DENND1B: variants seen among roughly 807,000 people sequenced by gnomAD.
The protein encoded by DENND1B is DENN domain containing 1B, also known as DENN domain-containing protein 1B.
In DENND1B, 59 loss-of-function variants were observed where a neutral mutation model predicts 90.1. The observed-to-expected ratio is 0.65, with a 90% CI of 0.53 to 0.81. The LOEUF (loss-of-function observed/expected upper bound fraction) is 0.81. Among genes scored for constraint, DENND1B ranks in the 40% least tolerant of loss-of-function variants. DENND1B has a pLI of 0.00. For missense variants in DENND1B, 862 were observed against 912.6 expected (o/e 0.94, Z 0.71); for synonymous variants, 337 against 324.6 (o/e 1.04, Z -0.41).
intron 20 of DENND1B, among the ~76,000 whole-genome samples, chr1:197,523,229 G>C (rs1668900035): frequency 6.6e-6 from 1 of 151,980 alleles, no homozygotes; most frequent in African/African-American, 2.4e-5. Context: ...AAGACTGCTG[G>C]GGGAAATGTA....
At chr1:197,679,957 C>G (rs1254598961) in intron 3 of DENND1B, among the ~76,000 whole-genome samples, 5 of 151,464 alleles carry the variant, frequency 3.3e-5, no homozygotes, top group African/African-American at 1.2e-4. Context: ...CGAGACCAGC[C>G]TGGGCAACAT....
At chr1:197,564,376 A>G (rs1226427446) in intron 15 of DENND1B, among the ~76,000 whole-genome samples, 1 of 125,354 alleles carries the variant, frequency 8.0e-6, no homozygotes, top group Non-Finnish European at 1.6e-5. Context: ...ATCAATACTG[A>G]GGCAAGAACC....
At chr1:197,731,331 C>T (rs947977210) in intron 2 of DENND1B, among the ~76,000 whole-genome samples, 8 of 151,932 alleles carry the variant, frequency 5.3e-5, no homozygotes, top group African/African-American at 1.5e-4. Context: ...TGACCTCAGA[C>T]CAAAAATATG....
chr1:197,606,268 A>G (rs75380909), intron 13 of DENND1B: 1 of 151,338 alleles, frequency 6.6e-6, no homozygotes, highest in East Asian at 2.0e-4. Flanking sequence ...ACACACGCAC[A>G]CACACACACA....
intron 18 of DENND1B, among the ~76,000 whole-genome samples, chr1:197,545,104 GT>G (rs1179078365): frequency 6.6e-6 from 1 of 150,570 alleles, no homozygotes; most frequent in Non-Finnish European, 1.5e-5. Flanking sequence ...TTTTAAGAAA[GT>G]TTAAGAATTT....
chr1:197,638,664 T>A (rs936725609), intron 10 of DENND1B, among the ~76,000 whole-genome samples: 2 of 152,188 alleles, frequency 1.3e-5, no homozygotes, highest in Non-Finnish European at 2.9e-5. Context: ...GATACCCCCT[T>A]GTAATATCAT....
chr1:197,654,625 A>T (rs1043511462), intron 6 of DENND1B, among the ~76,000 whole-genome samples: 2 of 152,026 alleles, frequency 1.3e-5, no homozygotes, highest in Non-Finnish European at 2.9e-5. Flanking sequence ...AAAAAAAAGA[A>T]TTTAAATCCA....
intron 20 of DENND1B, among the ~76,000 whole-genome samples, chr1:197,515,124 A>T (rs529349281): frequency 6.6e-6 from 1 of 151,630 alleles, no homozygotes; most frequent in Non-Finnish European, 1.5e-5. Flanking sequence ...AAATTTATGG[A>T]ACCTATAGGA....
chr1:197,768,608 T>C (rs757843017), intron 2 of DENND1B, among the ~76,000 whole-genome samples: 4 of 152,044 alleles, frequency 2.6e-5, no homozygotes, highest in Admixed American at 1.3e-4. Context: ...CATTAAGATC[T>C]AAATTTTGGC....
Position 197,510,376 on chromosome 1 carries a change from G to A in DENND1B, c.*84C>T. The A allele has an allele frequency of 4.2e-6, 6 of 1,425,046 alleles. No individual in the cohort carries two copies. The South Asian group carries it at 9.3e-5, about 22-fold the overall frequency. The allele number at this position is 1,425,046 out of a possible 1,614,324, so 88.3% of individuals were successfully genotyped here. A position where few individuals can be genotyped will look rare whatever the true frequency, so the allele number is the denominator to read the frequency against. ...GCAAAAAAAAATTTAAATAGTATGAGTTGCCATTCCTACAAATAATTCTGT... is the reference window on the plus strand; with the variant it reads ...GCAAAAAAAAATTTAAATAGTATGAATTGCCATTCCTACAAATAATTCTGT... On this transcript the variant is annotated 3_prime_UTR_variant, in exon 23 of 23. Transcript: ENST00000620048.
chr1:197,725,822 A>G (rs1303002249), intron 2 of DENND1B, among the ~76,000 whole-genome samples: 1 of 152,038 alleles, frequency 6.6e-6, no homozygotes, highest in African/African-American at 2.4e-5. Context: ...AATAGAGAGG[A>G]GACATGCTCT....
chr1:197,542,199 A>C (rs542183469), intron 18 of DENND1B, among the ~76,000 whole-genome samples: 2 of 152,332 alleles, frequency 1.3e-5, no homozygotes, highest in East Asian at 3.9e-4. Flanking sequence ...CCGTTTAGCC[A>C]AATAAAATAT....
At chr1:197,774,111 C>T (rs897945702) in intron 1 of DENND1B, among the ~76,000 whole-genome samples, 18 of 152,162 alleles carry the variant, frequency 1.2e-4, no homozygotes, top group Admixed American at 1.2e-3. Flanking sequence ...ATGACTTCCT[C>T]CCTCTTAAAA....
intron 12 of DENND1B, among the ~76,000 whole-genome samples, chr1:197,611,049 G>A (rs1677141935): frequency 6.6e-6 from 1 of 150,732 alleles, no homozygotes; most frequent in African/African-American, 2.4e-5. Context: ...ACTCATCTTT[G>A]ATCAAAGTAA....
chr1:197,670,572 T>C (rs1349739652), intron 5 of DENND1B, among the ~76,000 whole-genome samples: 1 of 151,760 alleles, frequency 6.6e-6, no homozygotes, highest in Admixed American at 6.6e-5. Context: ...AATGTTTATA[T>C]AAAAGTTTAT....
chr1:197,613,317 T>C (rs10922266), intron 11 of DENND1B, among the ~76,000 whole-genome samples: 1 of 150,456 alleles, frequency 6.6e-6, no homozygotes, highest in African/African-American at 2.4e-5. Flanking sequence ...AGTGTTAAAG[T>C]TCTTATTTTA....
intron 3 of DENND1B, among the ~76,000 whole-genome samples, chr1:197,691,400 T>C (rs148399301): frequency 1.4e-4 from 21 of 152,052 alleles, no homozygotes; most frequent in Admixed American, 2.6e-4. Context: ...CAAATCACAG[T>C]TGGATATCAT....
chr1:197,544,016 C>T (rs1263659219), intron 18 of DENND1B, among the ~76,000 whole-genome samples: 1 of 151,800 alleles, frequency 6.6e-6, no homozygotes, highest in Non-Finnish European at 1.5e-5. Context: ...AAATATCCGA[C>T]CTATTGAATT....
chr1:197,563,247 A>C (rs1361081140), intron 15 of DENND1B, among the ~76,000 whole-genome samples: 2 of 152,050 alleles, frequency 1.3e-5, no homozygotes, highest in Non-Finnish European at 2.9e-5. Flanking sequence ...GATATCATCC[A>C]CGACATTCAT....
Sources: gnomAD v4.1 joint callset for allele counts (sites outside exome capture counted in the v4.1 genomes callset) on GRCh38, gnomAD v4.1.1 for gene constraint, MANE v1.5 for transcripts, NCBI Gene and HGNC (gene_info 2026-07-23, HGNC 2026-07-21) for gene names.